PRKCE: variants seen among roughly 807,000 people sequenced by gnomAD.
PRKCE encodes protein kinase C epsilon.
Under a neutral mutation model 85.4 loss-of-function variants are expected in PRKCE, and 16 were observed. The observed-to-expected ratio is 0.19, with a 90% CI of 0.13 to 0.28. The LOEUF (loss-of-function observed/expected upper bound fraction) is 0.28, where lower values mean the gene tolerates loss of function less well. Ranked by LOEUF, PRKCE falls within the 10% of genes least tolerant of loss-of-function variation. The pLI, the probability that PRKCE is intolerant of heterozygous loss-of-function variation, is 1.00. For synonymous variants in PRKCE, 388 were observed against 371.5 expected (o/e 1.04, Z -0.51); for missense variants, 573 against 975.2 (o/e 0.59, Z 5.49).
At chr2:45,871,387 G>A (rs1260795868) in intron 2 of PRKCE, among the ~76,000 whole-genome samples, 3 of 152,196 alleles carry the variant, frequency 2.0e-5, no homozygotes, top group South Asian at 4.1e-4. Context: ...TACCTGTTGC[G>A]GATTATGTGC....
intron 1 of PRKCE, among the ~76,000 whole-genome samples, chr2:45,789,956 A>G (rs1292390659): frequency 1.3e-5 from 2 of 152,212 alleles, no homozygotes; most frequent in African/African-American, 2.4e-5. Flanking sequence ...ATAATGAAGG[A>G]AAGAAGAGCT....
chr2:45,688,045 A>C (rs911063789), intron 1 of PRKCE, among the ~76,000 whole-genome samples: 2 of 152,208 alleles, frequency 1.3e-5, no homozygotes, highest in African/African-American at 4.8e-5. Flanking sequence ...TCAAGGGAGA[A>C]GTTTCTCTAG....
Position 45,891,766 on chromosome 2 carries a change from G to A in PRKCE, c.412+48703G>A, listed in dbSNP as rs533282684. Among the ~76,000 whole-genome samples the A allele has an allele frequency of 2.0e-5, 3 of 152,338 alleles. No homozygotes were observed. The South Asian group carries it at 6.2e-4, about 32-fold the overall frequency. ...GGCTGCTTCCTCTCCCTTCTTCTCA[G>A]TCACAAGGCCTTGGCCCTCCTTAAA... On this transcript the variant is annotated intron_variant, in intron 2 of 14. Coordinates refer to ENST00000306156, the MANE Select transcript of PRKCE (RefSeq NM_005400.3).
chr2:46,074,375 G>C (rs1435729550), intron 10 of PRKCE, among the ~76,000 whole-genome samples: 1 of 128,204 alleles, frequency 7.8e-6, no homozygotes, highest in Non-Finnish European at 1.6e-5. Context: ...TAGTCAGCGA[G>C]ATTTCTTTCT....
At chr2:46,077,538 A>G (rs1668669139) in intron 10 of PRKCE, among the ~76,000 whole-genome samples, 1 of 152,178 alleles carries the variant, frequency 6.6e-6, no homozygotes, top group Non-Finnish European at 1.5e-5. Context: ...GATAACTCTG[A>G]ATTTGGAGAA....
chr2:46,028,605 C>T (rs148478119), intron 10 of PRKCE, among the ~76,000 whole-genome samples: 247 of 152,268 alleles, frequency 1.6e-3, no homozygotes, highest in Middle Eastern at 3.4e-3. Flanking sequence ...CCATCACATA[C>T]GTAAATGTAA....
intron 10 of PRKCE, among the ~76,000 whole-genome samples, chr2:46,019,618 A>C (rs905852738): frequency 6.6e-6 from 1 of 152,206 alleles, no homozygotes; most frequent in African/African-American, 2.4e-5. Context: ...TGTAGCCAGA[A>C]GTATACTTAG....
At chr2:46,015,711 A>ACC (rs1398547750) in intron 10 of PRKCE, among the ~76,000 whole-genome samples, 7 of 151,792 alleles carry the variant, frequency 4.6e-5, no homozygotes, top group South Asian at 2.1e-4. Flanking sequence ...AAAAAAAAAA[A>ACC]AACGAAGTAA....
At chr2:46,097,310 A>T (rs1170768004) in intron 11 of PRKCE, among the ~76,000 whole-genome samples, 1 of 152,076 alleles carries the variant, frequency 6.6e-6, no homozygotes, top group Non-Finnish European at 1.5e-5. Context: ...CAAGGTCAGG[A>T]GATCGAGACC....
In PRKCE at chr2:46,001,558, T is replaced by G. The variant is rs1431600614; in HGVS notation, c.966+12T>G. 2.5e-6 allele frequency: 4 copies of G among 1,596,078 alleles called. No individual in the cohort carries two copies. Among genetic ancestry groups the G allele is most frequent in the Non-Finnish European group, 3.4e-6 (4 of 1,177,948 alleles). On this transcript the variant is annotated intron_variant, in intron 7 of 14. Transcript: ENST00000306156. This position sits in a 1 kb window ranked among gnomAD's most constrained non-coding sequence, Gnocchi z 4.4. ...AGAGAAGGAAAAAGGTAACTGGCTG[T>G]TTGGTGGTGTTGCTGGAGCCCTTTT...
chr2:45,774,837 T>C lies in PRKCE; in HGVS notation c.349-68163T>C, dbSNP rs1052607468. Among the ~76,000 whole-genome samples the C allele has an allele frequency of 6.6e-6, 1 of 152,052 alleles. No individual in the cohort carries two copies. The highest frequency in any genetic ancestry group is 1.5e-5 in the Non-Finnish European group (1 of 67,998). Reference sequence around the variant, plus strand: ...GTGTGCCTGGGAGTCTCAGTCCTGCTCCTCCCATTCCTGAGTTCGTCTCCA... The same window carrying C: ...GTGTGCCTGGGAGTCTCAGTCCTGCCCCTCCCATTCCTGAGTTCGTCTCCA... On this transcript the variant is annotated intron_variant, in intron 1 of 14. Coordinates refer to ENST00000306156, the MANE Select transcript of PRKCE (RefSeq NM_005400.3). This position sits in a 1 kb window ranked among gnomAD's most constrained non-coding sequence, Gnocchi z 4.3.
At chr2:45,994,878 G>A (rs892073830) in intron 6 of PRKCE, among the ~76,000 whole-genome samples, 4 of 152,176 alleles carry the variant, frequency 2.6e-5, no homozygotes, top group Non-Finnish European at 5.9e-5. Flanking sequence ...TCTCAAAGTG[G>A]CTGGACCACT....
chr2:45,759,437 C>T (rs1174614228), intron 1 of PRKCE, among the ~76,000 whole-genome samples: 4 of 152,292 alleles, frequency 2.6e-5, no homozygotes, highest in Admixed American at 6.5e-5. Flanking sequence ...CGAGCTCGGC[C>T]CAGCTGGGAC....
At chr2:45,679,842 T>A (rs968681936) in intron 1 of PRKCE, among the ~76,000 whole-genome samples, 9 of 152,196 alleles carry the variant, frequency 5.9e-5, no homozygotes, top group African/African-American at 1.9e-4. Flanking sequence ...TGGTTCAGCT[T>A]GGCTCTTCCG....
At chr2:45,825,460 A>G (rs1356901491) in intron 1 of PRKCE, among the ~76,000 whole-genome samples, 1 of 152,258 alleles carries the variant, frequency 6.6e-6, no homozygotes, top group Non-Finnish European at 1.5e-5. Flanking sequence ...AAATGCCATT[A>G]TGCCAACTTG....
intron 13 of PRKCE, 79 bp downstream of exon 13, chr2:46,151,308 C>G (rs1653409410): frequency 1.7e-6 from 2 of 1,156,620 alleles, no homozygotes; most frequent in Non-Finnish European, 2.5e-6. Flanking sequence ...CACACACACA[C>G]ACACACACAC....
chr2:45,836,612 C>T (rs1690897901), intron 1 of PRKCE, among the ~76,000 whole-genome samples: 1 of 152,186 alleles, frequency 6.6e-6, no homozygotes. Flanking sequence ...CCTGCGGTGC[C>T]TCCAGGGGAG....
At chr2:45,681,158 A>G (rs1167473027) in intron 1 of PRKCE, among the ~76,000 whole-genome samples, 1 of 151,724 alleles carries the variant, frequency 6.6e-6, no homozygotes, top group Non-Finnish European at 1.5e-5. Flanking sequence ...GTGTGGTAGC[A>G]TGCACCTGTA....
At chr2:45,921,467 A>T (rs1049524121) in intron 2 of PRKCE, among the ~76,000 whole-genome samples, 5 of 152,240 alleles carry the variant, frequency 3.3e-5, no homozygotes, top group Admixed American at 3.3e-4. Context: ...TTTTGCATGT[A>T]TTAGCTTATT....
Sources: allele counts gnomAD v4.1 joint callset (sites outside exome capture counted in the v4.1 genomes callset), GRCh38; gene constraint gnomAD v4.1.1; non-coding constraint Gnocchi (gnomAD v3.1); transcripts MANE v1.5; gene names NCBI Gene and HGNC (gene_info 2026-07-23, HGNC 2026-07-21).